The following ENTREP2 variants were observed in gnomAD, a reference collection of about 807,000 sequenced individuals.
The protein encoded by ENTREP2 is protein ENTREP2.
chr15:29,648,206 A>C, the ENTREP2 span, among the ~76,000 whole-genome samples: 1 of 152,224 alleles, frequency 6.6e-6, no homozygotes, highest in Non-Finnish European at 1.5e-5. Flanking sequence ...AAGTACCAGA[A>C]ACCGCTCCTG....
the ENTREP2 span, among the ~76,000 whole-genome samples, chr15:29,568,731 A>G: frequency 6.6e-6 from 1 of 150,742 alleles, no homozygotes; most frequent in Admixed American, 6.6e-5. Flanking sequence ...AAAAAAAAAA[A>G]AAAAGAATAG....
At chr15:29,332,247 A>T in the ENTREP2 span, among the ~76,000 whole-genome samples, 1 of 152,208 alleles carries the variant, frequency 6.6e-6, no homozygotes, top group Non-Finnish European at 1.5e-5. Context: ...GTGGTTTTAA[A>T]ATTCAGCAAA....
the ENTREP2 span, among the ~76,000 whole-genome samples, chr15:29,624,873 G>C: frequency 2.1e-5 from 2 of 94,918 alleles, no homozygotes; most frequent in Admixed American, 9.4e-5. Flanking sequence ...GCATTAATTT[G>C]TGTGTGTGTG....
chr15:29,337,980 T>C, the ENTREP2 span, among the ~76,000 whole-genome samples: 13 of 152,168 alleles, frequency 8.5e-5, no homozygotes, highest in Non-Finnish European at 1.6e-4. Flanking sequence ...ATCTGTCAAA[T>C]GAAGGTGACA....
the ENTREP2 span, among the ~76,000 whole-genome samples, chr15:29,213,305 T>C: frequency 6.6e-5 from 10 of 152,214 alleles, no homozygotes; most frequent in East Asian, 1.5e-3. Context: ...AACTTTAAAG[T>C]AGTTTTTTCC....
chr15:29,223,121 C>T, the ENTREP2 span, among the ~76,000 whole-genome samples: 1 of 152,222 alleles, frequency 6.6e-6, no homozygotes, highest in Non-Finnish European at 1.5e-5. Flanking sequence ...GACTGGTCAC[C>T]TGACGGCCAA....
At chr15:29,389,405 G>C in the ENTREP2 span, among the ~76,000 whole-genome samples, 68 of 149,438 alleles carry the variant, frequency 4.6e-4, no homozygotes, top group African/African-American at 1.6e-3. Flanking sequence ...GGCAGCACAG[G>C]CTTCCCTCCC....
chr15:29,174,337 G>C, the ENTREP2 span, among the ~76,000 whole-genome samples: 6 of 152,276 alleles, frequency 3.9e-5, no homozygotes, highest in South Asian at 1.2e-3. Context: ...AGACCTCAAT[G>C]ACATTTTATT....
the ENTREP2 span, among the ~76,000 whole-genome samples, chr15:29,599,384 C>G: frequency 6.6e-6 from 1 of 152,148 alleles, no homozygotes; most frequent in South Asian, 2.1e-4. Flanking sequence ...GTTCTGCTTC[C>G]CAGTTCCCTA....
chr15:29,421,567 T>C, the ENTREP2 span, among the ~76,000 whole-genome samples: 1 of 152,230 alleles, frequency 6.6e-6, no homozygotes, highest in Admixed American at 6.5e-5. Context: ...ATTTGACTTT[T>C]TAAACTATGT....
At chr15:29,274,711 C>T in the ENTREP2 span, among the ~76,000 whole-genome samples, 1 of 152,124 alleles carries the variant, frequency 6.6e-6, no homozygotes, top group East Asian at 1.9e-4. Flanking sequence ...CAAAACCTTC[C>T]CTCCACCCTC....
chr15:29,478,019 A>ATATATTTTTTTTT, the ENTREP2 span, among the ~76,000 whole-genome samples: 1 of 54,284 alleles, frequency 1.8e-5, no homozygotes, highest in Non-Finnish European at 3.0e-5. Flanking sequence ...ATATATATAT[A>ATATATTTTTTTTT]TTTTTTTTTT....
the ENTREP2 span, among the ~76,000 whole-genome samples, chr15:29,292,559 TTAG>T: frequency 1.3e-5 from 2 of 152,130 alleles, no homozygotes; most frequent in Non-Finnish European, 2.9e-5. Flanking sequence ...TTTTGTATTT[TTAG>T]TAGAGATGGG....
the ENTREP2 span, chr15:29,570,810 G>T: frequency 6.0e-6 from 3 of 502,470 alleles, no homozygotes; most frequent in Non-Finnish European, 7.6e-6. Context: ...GAGGCAAGTT[G>T]CGCCGGGTGC....
chr15:29,490,385 C>A, the ENTREP2 span, among the ~76,000 whole-genome samples: 13 of 151,944 alleles, frequency 8.6e-5, no homozygotes, highest in African/African-American at 3.2e-4. Context: ...AAAACCTCCA[C>A]AACATGGAAG....
the ENTREP2 span, among the ~76,000 whole-genome samples, chr15:29,319,552 T>C: frequency 6.6e-6 from 1 of 152,214 alleles, no homozygotes; most frequent in African/African-American, 2.4e-5. Context: ...ATAACAAATT[T>C]ATCTTTAAAA....
chr15:29,356,478 T>C, the ENTREP2 span, among the ~76,000 whole-genome samples: 1 of 151,086 alleles, frequency 6.6e-6, no homozygotes, highest in East Asian at 2.0e-4. Flanking sequence ...GCTAATTTTT[T>C]ATATTTTTAG....
chr15:29,241,834 A>G, the ENTREP2 span, among the ~76,000 whole-genome samples: 1 of 151,556 alleles, frequency 6.6e-6, no homozygotes, highest in African/African-American at 2.4e-5. Context: ...GGAGTTCAAG[A>G]CTAGCCTATG....
At chr15:29,256,000 CAA>C in the ENTREP2 span, among the ~76,000 whole-genome samples, 68,941 of 111,774 alleles carry the variant, frequency 0.62, 18,013 homozygotes, top group South Asian at 0.64. Context: ...GAGTCCGTCT[CAA>C]AAAAAAAAAA....
Sources: gnomAD v4.1 joint callset for allele counts (sites outside exome capture counted in the v4.1 genomes callset) on GRCh38, gnomAD v4.1.1 for gene constraint, MANE v1.5 for transcripts, NCBI Gene and HGNC (gene_info 2026-07-23, HGNC 2026-07-21) for gene names.